CD33: variants seen among roughly 807,000 people sequenced by gnomAD.
CD33 encodes the protein CD33 molecule, also known as myeloid cell surface antigen CD33.
A neutral mutation model predicts 31.4 loss-of-function variants in CD33; 25 were observed. The ratio of observed to expected loss-of-function variants is 0.80; its 90% CI spans 0.58 to 1.11. The LOEUF is 1.11. Ranked by LOEUF, CD33 falls within the 50% of genes most tolerant of loss-of-function variation. CD33 has a pLI of 0.00. For synonymous variants in CD33, 176 were observed against 180.6 expected, an observed-to-expected ratio of 0.97 and a Z score of 0.20; for missense variants, 407 against 448.1, an observed-to-expected ratio of 0.91 and a Z score of 0.83.
At chr19:51,211,595 C>A in the CD33 span, 4 of 1,498,894 alleles carry the variant, frequency 2.7e-6, no homozygotes, top group Admixed American at 6.8e-5. Flanking sequence ...ACAGGTGAGG[C>A]ACAGGCTTCA....
At chr19:51,213,009 G>C in the CD33 span, among the ~76,000 whole-genome samples, 29 of 152,210 alleles carry the variant, frequency 1.9e-4, no homozygotes, top group Admixed American at 9.2e-4. Flanking sequence ...ATCTACTTCA[G>C]CAAGTGTATG....
At chr19:51,224,673 A>T (rs977956249), upstream of CD33, among the ~76,000 whole-genome samples, 6 of 152,078 alleles carry the variant, frequency 3.9e-5, no homozygotes, top group Non-Finnish European at 8.8e-5. Flanking sequence ...CACGGACCCT[A>T]TAGAATCCTA....
At chr19:51,213,766 C>T in the CD33 span, among the ~76,000 whole-genome samples, 1 of 151,922 alleles carries the variant, frequency 6.6e-6, no homozygotes, top group Non-Finnish European at 1.5e-5. Flanking sequence ...GAACTCCTGA[C>T]CTCAAGTAAT....
upstream of CD33, among the ~76,000 whole-genome samples, chr19:51,224,501 G>A (rs866488313): frequency 2.0e-5 from 3 of 152,140 alleles, no homozygotes; most frequent in Non-Finnish European, 4.4e-5. Context: ...AAATGCATGA[G>A]GCTAGAAAGG....
chr19:51,212,139 C>A, the CD33 span: 2 of 515,820 alleles, frequency 3.9e-6, no homozygotes, highest in Non-Finnish European at 3.6e-6. Context: ...GAGAGGAGGA[C>A]CAGGACTGGG....
chr19:51,211,817 C>A, the CD33 span: 1 of 951,964 alleles, frequency 1.1e-6, no homozygotes, highest in Non-Finnish European at 1.7e-6. Flanking sequence ...CCAGCATCTT[C>A]ATCCCGAGGA....
chr19:51,225,999 C>T lies in CD33; in HGVS notation c.615C>T (p.Asp205=), dbSNP rs139021343. 30 of 1,613,972 alleles carry T rather than the reference C, an allele frequency of 1.9e-5. No individual in the cohort carries two copies. The African/African-American group carries it at 3.6e-4, about 19-fold the overall frequency. ...TCATAATCACCCCACGGCCCCAGGA[C>T]CACGGCACCAACCTGACCTGTCAGG... is the stretch of plus-strand genomic sequence containing the variant. ...SVLIITPRPQ[D]HGTNLTCQVK... is the part of the protein sequence containing the mutation. Residue 205 remains aspartate (D), a synonymous_variant, in exon 3 of 7, where the codon GAC becomes GAT. Transcript: ENST00000262262.
the CD33 span, chr19:51,211,844 C>T: frequency 1.4e-5 from 16 of 1,167,064 alleles, no homozygotes; most frequent in Middle Eastern, 1.9e-4. Context: ...AATCTGGCCA[C>T]CCCAGGAACC....
At chr19:51,229,960 T>A (rs1328664403) in intron 4 of CD33, among the ~76,000 whole-genome samples, 2 of 152,138 alleles carry the variant, frequency 1.3e-5, no homozygotes, top group African/African-American at 4.8e-5. Flanking sequence ...CACAGTTAAA[T>A]GGTTTACTTG....
upstream of CD33, among the ~76,000 whole-genome samples, chr19:51,220,663 T>G (rs1219648494): frequency 3.3e-5 from 5 of 152,158 alleles, no homozygotes; most frequent in Non-Finnish European, 7.3e-5. Context: ...ACCTATAAAG[T>G]AACAATACAG....
chr19:51,224,575 A>AT (rs1369030368), upstream of CD33, among the ~76,000 whole-genome samples: 1 of 152,078 alleles, frequency 6.6e-6, no homozygotes, highest in African/African-American at 2.4e-5. Flanking sequence ...GTCACTCACT[A>AT]TATCTTTAGT....
At chr19:51,224,938 G>A (rs1198543582), upstream of CD33, 3 of 746,536 alleles carry the variant, frequency 4.0e-6, no homozygotes, top group Non-Finnish European at 6.7e-6. Flanking sequence ...TCTGGCCCAT[G>A]AGGGTCAATC....
the CD33 span, among the ~76,000 whole-genome samples, chr19:51,217,452 C>T: frequency 1.4e-4 from 21 of 151,440 alleles, no homozygotes; most frequent in Non-Finnish European, 2.2e-4. Context: ...CTCTGTTGCC[C>T]GGGCTTGAGT....
At chr19:51,223,651 A>G (rs1382416995), upstream of CD33, among the ~76,000 whole-genome samples, 1 of 152,208 alleles carries the variant, frequency 6.6e-6, no homozygotes, top group African/African-American at 2.4e-5. Flanking sequence ...TTCTGCCCAC[A>G]CTGAACCAAA....
At chr19:51,234,916 T>C (rs1324583475) in intron 4 of CD33, among the ~76,000 whole-genome samples, 1 of 152,120 alleles carries the variant, frequency 6.6e-6, no homozygotes, top group African/African-American at 2.4e-5. Context: ...GAGAGGAACC[T>C]GAGTCCTAGG....
chr19:51,214,739 C>T, the CD33 span, among the ~76,000 whole-genome samples: 1 of 152,114 alleles, frequency 6.6e-6, no homozygotes, highest in East Asian at 1.9e-4. Context: ...TAGACCCTTA[C>T]CAAATCCATG....
chr19:51,239,819 A>G lies in CD33; in HGVS notation c.*131A>G. 1 of 601,942 alleles carries G rather than the reference A, an allele frequency of 1.7e-6. No individual in the cohort carries two copies. Among genetic ancestry groups the G allele is most frequent in the East Asian group, 3.1e-5 (1 of 31,940 alleles). 37.3% of individuals were successfully genotyped at this position (601,942 alleles called of 1,614,324 possible). A position where few individuals can be genotyped will look rare whatever the true frequency, so the allele number is the denominator to read the frequency against. ...ATAGACATTATGTGAGTTTCCTGCTATATTAACATCATCTTAGACTTTGCA... is the reference window on the plus strand; with the variant it reads ...ATAGACATTATGTGAGTTTCCTGCTGTATTAACATCATCTTAGACTTTGCA... On this transcript the variant is annotated 3_prime_UTR_variant, in exon 7 of 7. Coordinates refer to ENST00000262262, the MANE Select transcript of CD33 (RefSeq NM_001772.4).
At chr19:51,237,651 G>C (rs1466162594) in intron 6 of CD33, 1 of 152,252 alleles carries the variant, frequency 6.6e-6, no homozygotes, top group Non-Finnish European at 1.5e-5. Flanking sequence ...ACGTGTTGGG[G>C]GTGGAGTGTG....
intron 3 of CD33, 23 bp from the exon 4 acceptor site, chr19:51,226,286 G>A (rs781178383): frequency 5.0e-6 from 8 of 1,611,804 alleles, no homozygotes; most frequent in Non-Finnish European, 6.8e-6. Flanking sequence ...CCAACTGAAG[G>A]AAATCCTCTC....
Sources: allele counts gnomAD v4.1 joint callset (sites outside exome capture counted in the v4.1 genomes callset), GRCh38; gene constraint gnomAD v4.1.1; transcripts MANE v1.5; gene names NCBI Gene and HGNC (gene_info 2026-07-23, HGNC 2026-07-21).